Variants in EXOSC7 observed in about 807,000 individuals in gnomAD.
EXOSC7 encodes the protein exosome component 7.
EXOSC7 carries 25 observed loss-of-function variants against 34.3 expected under a neutral mutation model. The observed-to-expected ratio is 0.73, with a 90% CI of 0.53 to 1.02. The LOEUF (loss-of-function observed/expected upper bound fraction) is 1.02, where lower values mean the gene tolerates loss of function less well. Ranked by LOEUF, EXOSC7 falls within the 50% of genes least tolerant of loss-of-function variation. EXOSC7 has a pLI of 0.00. For missense variants in EXOSC7, 370 were observed against 368.5 expected, an observed-to-expected ratio of 1.00 and a Z score of -0.03; for synonymous variants, 130 against 143.0, an observed-to-expected ratio of 0.91 and a Z score of 0.65.
chr3:44,985,579 G>C (rs1380211809), intron 1 of EXOSC7, among the ~76,000 whole-genome samples: 2 of 151,296 alleles, frequency 1.3e-5, no homozygotes, highest in African/African-American at 2.4e-5. Flanking sequence ...AGGTGGGTTC[G>C]TGGTCTCGCT....
In EXOSC7 at chr3:44,997,319, C is replaced by A. The variant is rs1340150850; in HGVS notation, c.420+67C>A. 2.7e-6 allele frequency: 4 copies of A among 1,469,988 alleles called. No individual in the cohort carries two copies. In the East Asian group the frequency reaches 6.9e-5, roughly 25 times the overall value. The allele number at this position is 1,469,988 out of a possible 1,614,324, so 91.1% of individuals were successfully genotyped here. ...TGGAAAGACTAGTTGGCCTATTTTC[C>A]TTCCAGTGCTTTTTTCCTCTTCAGG... On this transcript the variant is annotated intron_variant, in intron 4 of 7. Coordinates refer to ENST00000265564, the MANE Select transcript of EXOSC7 (RefSeq NM_015004.4).
At chr3:44,981,782 C>T (rs992816884) in intron 1 of EXOSC7, among the ~76,000 whole-genome samples, 2 of 152,114 alleles carry the variant, frequency 1.3e-5, no homozygotes, top group African/African-American at 4.8e-5. Flanking sequence ...GTGGTGTGTG[C>T]CTGTAGGCCT....
intron 3 of EXOSC7, among the ~76,000 whole-genome samples, chr3:44,992,009 C>A (rs566851523): frequency 9.8e-5 from 15 of 152,306 alleles, no homozygotes; most frequent in African/African-American, 3.6e-4. Flanking sequence ...AAGCACTGAT[C>A]GCTGCCACCT....
At chr3:45,005,514 C>A (rs1298222533) in intron 6 of EXOSC7, 100 bp downstream of exon 6, 6 of 1,206,126 alleles carry the variant, frequency 5.0e-6, no homozygotes, top group Non-Finnish European at 7.1e-6. Context: ...AGTTGTAATA[C>A]CACACACCAT....
chr3:44,996,471 A>C (rs1037216675), intron 3 of EXOSC7, among the ~76,000 whole-genome samples: 3 of 152,210 alleles, frequency 2.0e-5, no homozygotes, highest in African/African-American at 7.2e-5. Context: ...TACTACTTAC[A>C]AGCCAACAAT....
In EXOSC7 at chr3:45,007,479, C is replaced by T. The variant is rs1196983348; in HGVS notation, c.675C>T (p.Ser225=). The part of the protein sequence containing the change: ...TLQEEACSLA[S]LLVSVTSKGV... The stretch of plus-strand genomic sequence containing the variant: ...AGGAGGAGGCCTGCTCGCTGGCCAG[C>T]TTGCTGGTGTCGGTGACCAGCAAGG... Residue 225 remains serine (S), a synonymous_variant, in exon 7 of 8, where the codon AGC becomes AGT. Coordinates refer to ENST00000265564, the MANE Select transcript of EXOSC7 (RefSeq NM_015004.4). 6.2e-7 allele frequency: 1 copy of T among 1,614,062 alleles called. No individual in the cohort carries two copies. The highest frequency in any genetic ancestry group is 1.7e-5 in the Admixed American group (1 of 59,998).
At chr3:45,006,936 G>A (rs899793582) in intron 6 of EXOSC7, among the ~76,000 whole-genome samples, 1 of 151,962 alleles carries the variant, frequency 6.6e-6, no homozygotes, top group Admixed American at 6.6e-5. Context: ...TGTTGCCTGG[G>A]CTGGTCTCAA....
intron 3 of EXOSC7, among the ~76,000 whole-genome samples, chr3:44,995,790 A>G (rs749173001): frequency 1.3e-5 from 2 of 152,204 alleles, no homozygotes. Context: ...TTTATGTAAC[A>G]ACATAGTCTG....
At chr3:45,003,984 A>G (rs1706957785) in intron 5 of EXOSC7, among the ~76,000 whole-genome samples, 1 of 152,160 alleles carries the variant, frequency 6.6e-6, no homozygotes, top group Admixed American at 6.5e-5. Context: ...TCTACTGTCC[A>G]GTCTGCTGTT....
intron 4 of EXOSC7, among the ~76,000 whole-genome samples, chr3:44,998,035 T>G (rs1441701315): frequency 2.0e-5 from 3 of 151,088 alleles, no homozygotes; most frequent in African/African-American, 7.3e-5. Context: ...TTTTTTGTTT[T>G]TTTGTTTTTT....
intron 4 of EXOSC7, among the ~76,000 whole-genome samples, chr3:44,998,900 A>G (rs1001905213): frequency 2.0e-5 from 3 of 152,204 alleles, no homozygotes; most frequent in Non-Finnish European, 2.9e-5. Flanking sequence ...CAGGCTTCAT[A>G]GTTGCCCAGG....
chr3:44,983,334 G>C (rs1015498971), intron 1 of EXOSC7, among the ~76,000 whole-genome samples: 6 of 152,088 alleles, frequency 3.9e-5, no homozygotes, highest in African/African-American at 1.4e-4. Flanking sequence ...TGCTTTGGGG[G>C]GACTCCTATG....
chr3:44,993,217 C>T (rs959663525), intron 3 of EXOSC7, among the ~76,000 whole-genome samples: 1 of 152,138 alleles, frequency 6.6e-6, no homozygotes, highest in Non-Finnish European at 1.5e-5. Flanking sequence ...ATGAAAACCT[C>T]AGAATATACT....
chr3:45,006,556 A>G (rs1707050963), intron 6 of EXOSC7, among the ~76,000 whole-genome samples: 1 of 150,054 alleles, frequency 6.7e-6, no homozygotes, highest in Non-Finnish European at 1.5e-5. Context: ...AGCTGGGACT[A>G]CAGGCGCCCG....
At chr3:44,996,171 T>C (rs1706716469) in intron 3 of EXOSC7, among the ~76,000 whole-genome samples, 1 of 152,204 alleles carries the variant, frequency 6.6e-6, no homozygotes, top group East Asian at 1.9e-4. Flanking sequence ...GGCTTTAATA[T>C]GTGATTTTAT....
At chr3:44,978,846 G>T (rs1198765389) in intron 1 of EXOSC7, among the ~76,000 whole-genome samples, 2 of 152,212 alleles carry the variant, frequency 1.3e-5, no homozygotes, top group Non-Finnish European at 2.9e-5. Flanking sequence ...ATCTTGGAAG[G>T]CAATAGCCTG....
In EXOSC7 at chr3:45,005,208, G is replaced by A. The variant is rs149607536; in HGVS notation, c.492-83G>A. Reference sequence around the variant, plus strand: ...GTGTCTTTCTCTTGTGAGACACAGGGATTCCAACTCCTATTCTCAATCTTA... The same window carrying A: ...GTGTCTTTCTCTTGTGAGACACAGGAATTCCAACTCCTATTCTCAATCTTA... On this transcript the variant is annotated intron_variant, in intron 5 of 7. Coordinates refer to ENST00000265564, the MANE Select transcript of EXOSC7 (RefSeq NM_015004.4). 2.0e-4 allele frequency: 302 copies of A among 1,484,992 alleles called. 1 individual carries two copies. In the East Asian group the frequency reaches 5.8e-3, roughly 29 times the overall value. The allele number at this position is 1,484,992 out of a possible 1,614,324, so 92.0% of individuals were successfully genotyped here.
At chr3:45,007,639 CT>C in intron 7 of EXOSC7, 64 bp downstream of exon 7, 1 of 1,474,210 alleles carries the variant, frequency 6.8e-7, no homozygotes, top group Non-Finnish European at 9.1e-7. Flanking sequence ...TTCCTGCTCC[CT>C]TGGTCATACC....
At chr3:45,009,449 G>A (rs1276743137) in intron 7 of EXOSC7, among the ~76,000 whole-genome samples, 2 of 151,980 alleles carry the variant, frequency 1.3e-5, no homozygotes, top group Non-Finnish European at 2.9e-5. Flanking sequence ...TCCTCTTGTT[G>A]TCCTCTCTCC....
Sources: gnomAD v4.1 joint callset for allele counts (sites outside exome capture counted in the v4.1 genomes callset) on GRCh38, gnomAD v4.1.1 for gene constraint, MANE v1.5 for transcripts, NCBI Gene and HGNC (gene_info 2026-07-23, HGNC 2026-07-21) for gene names.